AMPH: variants seen among roughly 807,000 people sequenced by gnomAD.
AMPH encodes the protein amphiphysin (Stiff-Mann syndrome with breast cancer 128kD autoantigen).
In AMPH, 49 loss-of-function variants were observed where a neutral mutation model predicts 99.1. The ratio of observed to expected loss-of-function variants is 0.49; its 90% CI spans 0.39 to 0.63. The LOEUF (loss-of-function observed/expected upper bound fraction) is 0.63, where lower values mean the gene tolerates loss of function less well. AMPH is among the 20% of genes least tolerant of loss of function. The pLI is 0.00. For missense variants in AMPH, 759 were observed against 863.4 expected, an observed-to-expected ratio of 0.88 and a Z score of 1.52; for synonymous variants, 314 against 317.3, an observed-to-expected ratio of 0.99 and a Z score of 0.11.
chr7:38,574,153 T>C (rs1318815750), intron 1 of AMPH, among the ~76,000 whole-genome samples: 1 of 152,238 alleles, frequency 6.6e-6, no homozygotes, highest in Non-Finnish European at 1.5e-5. Flanking sequence ...TACTGAATCA[T>C]CTTGATTTCC....
intron 1 of AMPH, among the ~76,000 whole-genome samples, chr7:38,600,908 T>C (rs1163004101): frequency 2.0e-5 from 3 of 152,242 alleles, no homozygotes; most frequent in Admixed American, 6.5e-5. Context: ...ACATTACCCA[T>C]GCTGGCAGTG....
intron 17 of AMPH, among the ~76,000 whole-genome samples, chr7:38,410,532 C>G (rs1027163478): frequency 1.1e-4 from 16 of 152,166 alleles, no homozygotes; most frequent in African/African-American, 3.6e-4. Context: ...GCCTAGCAAA[C>G]AGAGGCTGGA....
At chr7:38,571,269 AT>A (rs1791991913) in intron 1 of AMPH, among the ~76,000 whole-genome samples, 3 of 40,702 alleles carry the variant, frequency 7.4e-5, no homozygotes, top group South Asian at 6.2e-4. Context: ...ATATATATTT[AT>A]ATATATATTT....
At chr7:38,489,124 T>C (rs1301004921) in intron 5 of AMPH, among the ~76,000 whole-genome samples, 2 of 152,146 alleles carry the variant, frequency 1.3e-5, no homozygotes, top group African/African-American at 4.8e-5. Flanking sequence ...AAAACAGCAT[T>C]GTCCTGGCAT....
intron 1 of AMPH, among the ~76,000 whole-genome samples, chr7:38,562,371 C>T (rs547601712): frequency 6.6e-6 from 1 of 152,114 alleles, no homozygotes; most frequent in African/African-American, 2.4e-5. Context: ...CTAATTAAAT[C>T]AATTAATTTT....
chr7:38,393,033 C>T (rs190787375), intron 18 of AMPH, among the ~76,000 whole-genome samples: 9 of 152,248 alleles, frequency 5.9e-5, no homozygotes, highest in Admixed American at 3.9e-4. Context: ...TTCTATATTC[C>T]CTCTGCTATC....
chr7:38,546,463 T>C (rs1457865597), intron 1 of AMPH, among the ~76,000 whole-genome samples: 1 of 152,234 alleles, frequency 6.6e-6, no homozygotes, highest in East Asian at 1.9e-4. Context: ...TCAGATTTAA[T>C]CTGAGCTTCT....
chr7:38,604,881 T>C (rs1280489315), intron 1 of AMPH, among the ~76,000 whole-genome samples: 3 of 152,186 alleles, frequency 2.0e-5, no homozygotes, highest in Non-Finnish European at 4.4e-5. Flanking sequence ...TTTTTCCTAA[T>C]AGTTTTCTTT....
chr7:38,448,533 G>A (rs1391179518), intron 11 of AMPH, among the ~76,000 whole-genome samples: 1 of 152,188 alleles, frequency 6.6e-6, no homozygotes, highest in Non-Finnish European at 1.5e-5. Context: ...ATAGAACAAT[G>A]ATAACAATAT....
intron 1 of AMPH, among the ~76,000 whole-genome samples, chr7:38,601,795 A>G (rs1248609795): frequency 2.0e-5 from 3 of 152,206 alleles, no homozygotes. Flanking sequence ...AATATGGACT[A>G]ATCAGATTGC....
intron 14 of AMPH, chr7:38,428,534 A>G (rs1018931026): frequency 8.8e-6 from 4 of 456,610 alleles, no homozygotes; most frequent in African/African-American, 2.0e-5. Flanking sequence ...GAATTTCTTC[A>G]GCATCTGTAC....
rs373768495 is a variant in AMPH, at chr7:38,540,692, C to CAAAAAAAAAAAAAAAAAAA, written c.70-5700_70-5682dup. Among the ~76,000 whole-genome samples the CAAAAAAAAAAAAAAAAAAA allele has an allele frequency of 1.0e-4, 2 of 19,768 alleles. 1 individual carries two copies. The highest frequency in any genetic ancestry group is 3.3e-3 in the East Asian group (2 of 602). The allele number at this position is 19,768 out of a possible 152,430, so 13.0% of individuals were successfully genotyped here. The stretch of plus-strand genomic sequence containing the variant: ...AGCTATGAGAAGGTGTGACCCCAAG[C>CAAAAAAAAAAAAAAAAAAA]AAAAAAAAAAAAAAAAAAAAAAAAA... On this transcript the variant is annotated intron_variant, in intron 1 of 20. Coordinates refer to ENST00000356264, the MANE Select transcript of AMPH (RefSeq NM_001635.4).
At chr7:38,519,727 A>G (rs937463160) in intron 2 of AMPH, among the ~76,000 whole-genome samples, 1 of 152,240 alleles carries the variant, frequency 6.6e-6, no homozygotes, top group Non-Finnish European at 1.5e-5. Flanking sequence ...TCTGTAGTCC[A>G]GGTTAGGATC....
intron 20 of AMPH, among the ~76,000 whole-genome samples, chr7:38,387,697 A>G (rs906606247): frequency 6.6e-6 from 1 of 151,958 alleles, no homozygotes; most frequent in Admixed American, 6.5e-5. Flanking sequence ...AATAATTCAG[A>G]AAAAAATTAA....
At chr7:38,620,846 A>G (rs1427545329) in intron 1 of AMPH, among the ~76,000 whole-genome samples, 2 of 152,224 alleles carry the variant, frequency 1.3e-5, no homozygotes, top group African/African-American at 4.8e-5. Context: ...GCTCTGAACC[A>G]GTGTCCTGGC....
chr7:38,444,456 C>T (rs561754732), intron 11 of AMPH, among the ~76,000 whole-genome samples: 18 of 152,116 alleles, frequency 1.2e-4, no homozygotes, highest in African/African-American at 2.7e-4. Flanking sequence ...GATATGTAGA[C>T]GCAAGGAGAA....
At chr7:38,429,439 C>A (rs2215955) in intron 14 of AMPH, 352,235 of 1,295,910 alleles carry the variant, frequency 0.27, 49,010 homozygotes, top group East Asian at 0.41. Context: ...TCTTGGCTGA[C>A]CCTGTCTGTA....
At chr7:38,457,783 A>G (rs1037017183) in intron 11 of AMPH, among the ~76,000 whole-genome samples, 2 of 152,236 alleles carry the variant, frequency 1.3e-5, no homozygotes, top group Non-Finnish European at 2.9e-5. Flanking sequence ...GGCAAAAATA[A>G]AAGACAGAAT....
At chr7:38,412,073 C>A (rs748213564) in intron 17 of AMPH, among the ~76,000 whole-genome samples, 1 of 152,006 alleles carries the variant, frequency 6.6e-6, no homozygotes, top group Non-Finnish European at 1.5e-5. Context: ...GTACCAAGGG[C>A]CTGGGGAGGG....
Sources: gnomAD v4.1 joint callset for allele counts (sites outside exome capture counted in the v4.1 genomes callset) on GRCh38, gnomAD v4.1.1 for gene constraint, MANE v1.5 for transcripts, NCBI Gene and HGNC (gene_info 2026-07-23, HGNC 2026-07-21) for gene names.